BDP1: variants seen among roughly 807,000 people sequenced by gnomAD.
BDP1 encodes the protein transcription factor TFIIIB component B'' homolog.
BDP1 carries 169 observed loss-of-function variants against 266.6 expected under a neutral mutation model. The observed-to-expected ratio is 0.63, with a 90% CI of 0.56 to 0.72. BDP1 has a LOEUF of 0.72. Among genes scored for constraint, BDP1 ranks in the 30% least tolerant of loss-of-function variants. The probability of loss-of-function intolerance (pLI) is 0.00; values close to 1 mark genes in which losing one functional copy is unlikely to be tolerated. For synonymous variants in BDP1, 1,090 were observed against 1,022.4 expected (o/e 1.07, Z -1.26); for missense variants, 3,015 against 3,053.8 (o/e 0.99, Z 0.30).
intron 36 of BDP1, among the ~76,000 whole-genome samples, chr5:71,557,223 C>T (rs564386825): frequency 1.6e-4 from 25 of 152,016 alleles, no homozygotes; most frequent in African/African-American, 5.8e-4. Flanking sequence ...TCCCCCGCCC[C>T]GCCAAGACAG....
rs1212883959 is a variant in BDP1, at chr5:71,566,815, GT to G, written c.*1931del. ...AAGTTAAAACTGTTGACTGTATTAT[GT>G]AATGATCAGTATTTCAGTTGGGAAG... On this transcript the variant is annotated 3_prime_UTR_variant, in exon 39 of 39. Coordinates refer to ENST00000358731, the MANE Select transcript of BDP1 (RefSeq NM_018429.3). 3.9e-5 allele frequency: 6 copies of G among 152,300 alleles called. No individual in the cohort carries two copies. Among genetic ancestry groups the G allele is most frequent in the African/African-American group, 1.4e-4 (6 of 41,562 alleles). The allele number at this position is 152,300 out of a possible 1,614,324, so 9.4% of individuals were successfully genotyped here. A position where few individuals can be genotyped will look rare whatever the true frequency, so the allele number is the denominator to read the frequency against.
chr5:71,461,674 TC>T (rs1413778567), intron 2 of BDP1, 142 bp from the exon 3 acceptor site: 2 of 545,396 alleles, frequency 3.7e-6, no homozygotes, highest in Non-Finnish European at 6.6e-6. Flanking sequence ...TTTTTAATAT[TC>T]CATCTACAAA....
intron 7 of BDP1, among the ~76,000 whole-genome samples, chr5:71,483,063 A>G (rs777130754): frequency 3.3e-5 from 5 of 152,212 alleles, no homozygotes; most frequent in Non-Finnish European, 7.3e-5. Context: ...GGAAGGGGGC[A>G]TGAAGTACTT....
intron 15 of BDP1, among the ~76,000 whole-genome samples, chr5:71,503,090 G>C (rs1764358738): frequency 6.6e-6 from 1 of 151,348 alleles, no homozygotes; most frequent in Admixed American, 6.6e-5. Flanking sequence ...AAATTCACAT[G>C]ATCTATAATG....
chr5:71,570,664 A>G (rs1370394417), downstream of BDP1, among the ~76,000 whole-genome samples: 1 of 152,252 alleles, frequency 6.6e-6, no homozygotes, highest in South Asian at 2.1e-4. Context: ...TACCTGGTCT[A>G]AAACAGTTCG....
In BDP1 at chr5:71,461,913, A is replaced by G; in HGVS notation, c.586A>G (p.Asn196Asp). 2.0e-6 allele frequency: 3 copies of G among 1,525,732 alleles called. No individual in the cohort carries two copies. The highest frequency in any genetic ancestry group is 2.7e-6 in the Non-Finnish European group (3 of 1,107,070). The allele number at this position is 1,525,732 out of a possible 1,614,324, so 94.5% of individuals were successfully genotyped here. A position where few individuals can be genotyped will look rare whatever the true frequency, so the allele number is the denominator to read the frequency against. Residue 196 changes from asparagine (N) to aspartate (D), a missense_variant, in exon 3 of 39, where the codon AAT becomes GAT. Physicochemically the swap from Asn to Asp is conservative, Grantham distance 23. Around this residue, in one of 3 missense-constraint regions of BDP1, gnomAD observed 2,383 missense variants for 2,404.9 expected, o/e 0.99. Transcript: ENST00000358731. ...MRDFIYYLPDNNPMTSSLEQE... is the reference protein window; with the variant it reads ...MRDFIYYLPDDNPMTSSLEQE... ...AGACTTCATATATTATCTACCAGATAATAATCCAATGACGTAAGTAAAATT... is the reference window on the plus strand; with the variant it reads ...AGACTTCATATATTATCTACCAGATGATAATCCAATGACGTAAGTAAAATT...
chr5:71,478,248 TCAAAAA>T (rs1479101918), intron 7 of BDP1, among the ~76,000 whole-genome samples: 2 of 152,144 alleles, frequency 1.3e-5, no homozygotes, highest in African/African-American at 2.4e-5. Context: ...AAACTCTGTC[TCAAAAA>T]CAAAAACAAA....
At chr5:71,559,899 A>G in intron 36 of BDP1, 83 bp from the exon 37 acceptor site, 2 of 1,404,066 alleles carry the variant, frequency 1.4e-6, no homozygotes, top group Non-Finnish European at 1.9e-6. Context: ...ATAGAATACC[A>G]TGGGTTTCTT....
intron 26 of BDP1, among the ~76,000 whole-genome samples, chr5:71,532,856 G>A (rs114263097): frequency 0.012 from 1,879 of 152,130 alleles, 47 homozygotes; most frequent in African/African-American, 0.043. Context: ...TTCTAGTATC[G>A]TGCAAACATT....
chr5:71,517,915 TAAAAA>T (rs1049127510), intron 22 of BDP1, among the ~76,000 whole-genome samples: 5 of 151,120 alleles, frequency 3.3e-5, no homozygotes, highest in Non-Finnish European at 7.4e-5. Context: ...AAATAACAAA[TAAAAA>T]AAAGAAAAGA....
At position 71,483,202 on chromosome 5, in the gene BDP1, C is replaced by T. The variant is rs149383963; in HGVS notation, c.1015-640C>T. On this transcript the variant is annotated intron_variant, in intron 7 of 38. Transcript: ENST00000358731. The stretch of plus-strand genomic sequence containing the variant: ...CATTGGCTGTTTGTTTCCTCTCCTA[C>T]GATGTGTTTGCGTGATCAGACGTCT... Among the ~76,000 whole-genome samples, 29 of 152,248 alleles carry T rather than the reference C, an allele frequency of 1.9e-4. No individual in the cohort carries two copies. The South Asian group carries it at 2.7e-3, about 14-fold the overall frequency.
At chr5:71,521,123 G>C (rs1765470037) in intron 22 of BDP1, among the ~76,000 whole-genome samples, 3 of 149,392 alleles carry the variant, frequency 2.0e-5, no homozygotes. Context: ...GGAGGCGGAG[G>C]TTACAGTGAG....
intron 8 of BDP1, 67 bp downstream of exon 8, chr5:71,483,963 T>C: frequency 7.8e-7 from 1 of 1,289,738 alleles, no homozygotes; most frequent in Non-Finnish European, 1.1e-6. Flanking sequence ...GTCTTTTGTC[T>C]TTGGCTTTAG....
rs1237286897 is a variant in BDP1 at position 71,535,534 on chromosome 5, CTT to C, written c.5892+3109_5892+3110del. ...ATAAAAAAATTTTAAGTCGGGTACT[CTT>C]TGCACCACAAACTTGATAGCTTATA... On this transcript the variant is annotated intron_variant, in intron 26 of 38. Transcript: ENST00000358731. 2.0e-5 allele frequency among the ~76,000 whole-genome samples: 3 copies of C among 152,118 alleles called. No homozygotes were observed. In the East Asian group the frequency reaches 5.8e-4, roughly 29 times the overall value.
At chr5:71,551,581 A>G (rs1317705435) in intron 34 of BDP1, among the ~76,000 whole-genome samples, 1 of 152,224 alleles carries the variant, frequency 6.6e-6, no homozygotes, top group Non-Finnish European at 1.5e-5. Flanking sequence ...TCTATTCCAC[A>G]AAACCGCCAC....
downstream of BDP1, among the ~76,000 whole-genome samples, chr5:71,568,016 C>T (rs1744128769): frequency 6.6e-6 from 1 of 152,014 alleles, no homozygotes; most frequent in Non-Finnish European, 1.5e-5. Flanking sequence ...GTGGTGTGTG[C>T]TTTTGGTCCC....
At chr5:71,458,493 T>C (rs115694662) in intron 1 of BDP1, 86 bp from the exon 2 acceptor site, 26,258 of 999,828 alleles carry the variant, frequency 0.026, 472 homozygotes, top group South Asian at 0.064. Flanking sequence ...GATTGCAGTT[T>C]TGGATTTTCA....
At chr5:71,486,295 T>C (rs1002622503) in intron 8 of BDP1, among the ~76,000 whole-genome samples, 189 bp from the exon 9 acceptor site, 2 of 152,168 alleles carry the variant, frequency 1.3e-5, no homozygotes, top group Non-Finnish European at 2.9e-5. Context: ...GGTGTTCTGA[T>C]GTGAACTAAT....
chr5:71,507,134 T>C (rs1764630900), intron 16 of BDP1, among the ~76,000 whole-genome samples: 3 of 152,184 alleles, frequency 2.0e-5, no homozygotes, highest in Admixed American at 1.3e-4. Flanking sequence ...GAATATTTTA[T>C]AGATTCTTAA....
Sources: allele counts gnomAD v4.1 joint callset (sites outside exome capture counted in the v4.1 genomes callset), GRCh38; gene constraint gnomAD v4.1.1; regional missense constraint gnomAD v4.1.1; transcripts MANE v1.5; gene names NCBI Gene and HGNC (gene_info 2026-07-23, HGNC 2026-07-21).